Variants in HMCN1 observed in about 807,000 individuals in gnomAD.
HMCN1 encodes the protein hemicentin-1.
Under a neutral mutation model 625.9 loss-of-function variants are expected in HMCN1, and 321 were observed. That is an observed-to-expected ratio of 0.51 (90% CI 0.47 to 0.56). HMCN1 has a LOEUF of 0.56. HMCN1 is among the 20% of genes least tolerant of loss of function. HMCN1 has a pLI of 0.00. For missense variants in HMCN1, 6,588 were observed against 6,887.3 expected (o/e 0.96, Z 1.54); for synonymous variants, 2,425 against 2,417.6 (o/e 1.00, Z -0.09).
intron 1 of HMCN1, among the ~76,000 whole-genome samples, chr1:185,800,884 A>C (rs1258449645): frequency 6.6e-6 from 1 of 152,204 alleles, no homozygotes; most frequent in Non-Finnish European, 1.5e-5. Flanking sequence ...TTTATGTGTC[A>C]GCTAAGAAAG....
At chr1:185,914,459 C>G (rs566219769) in intron 6 of HMCN1, among the ~76,000 whole-genome samples, 5 of 152,166 alleles carry the variant, frequency 3.3e-5, no homozygotes, top group African/African-American at 9.6e-5. Flanking sequence ...AACGATCTAT[C>G]TATTACTTAA....
At chr1:185,951,305 G>A (rs1188301529) in intron 11 of HMCN1, among the ~76,000 whole-genome samples, 1 of 151,560 alleles carries the variant, frequency 6.6e-6, no homozygotes, top group Non-Finnish European at 1.5e-5. Context: ...TAACTAAAAA[G>A]GAGTGCTTAA....
At chr1:186,001,164 C>A in intron 26 of HMCN1, 134 bp from the exon 27 acceptor site, 2 of 733,234 alleles carry the variant, frequency 2.7e-6, no homozygotes, top group Non-Finnish European at 4.5e-6. Context: ...TATAACAAAG[C>A]ATATGCTTAA....
intron 2 of HMCN1, among the ~76,000 whole-genome samples, chr1:185,855,790 C>T (rs932490840): frequency 2.6e-5 from 4 of 152,110 alleles, no homozygotes; most frequent in African/African-American, 9.7e-5. Context: ...TAATTGTTAC[C>T]TTTACTGTGC....
chr1:185,897,589 C>T (rs1197940087), intron 4 of HMCN1, among the ~76,000 whole-genome samples: 1 of 152,206 alleles, frequency 6.6e-6, no homozygotes, highest in Non-Finnish European at 1.5e-5. Flanking sequence ...GATGTTCTCC[C>T]TCTGCTCATC....
rs770648512 is a variant in HMCN1 at position 186,114,121 on chromosome 1, A to G, written c.11274A>G (p.Ala3758=). 24 of 1,613,972 alleles carry G rather than the reference A, an allele frequency of 1.5e-5. No homozygotes were observed. Among genetic ancestry groups the G allele is most frequent in the Non-Finnish European group, 2.0e-5 (24 of 1,179,956 alleles). The change falls in exon 73 of 107, where the codon GCA becomes GCG. Residue 3758 remains alanine, a splice_region_variant and synonymous_variant. Transcript: ENST00000271588. Reference sequence around the variant, plus strand: ...GAGCTGTTCTAGCTGGGAATCATGCAAGGTAACCATACTGGAAAATTAAAA... The same window carrying G: ...GAGCTGTTCTAGCTGGGAATCATGCGAGGTAACCATACTGGAAAATTAAAA... The part of the protein sequence containing the change: ...KDGAVLAGNH[A]RYSILENGFL...
chr1:185,867,612 A>G lies in HMCN1; in HGVS notation c.621+1749A>G, dbSNP rs1487673170. 2.0e-5 allele frequency among the ~76,000 whole-genome samples: 3 copies of G among 152,136 alleles called. No homozygotes were observed. In the South Asian group the frequency reaches 6.2e-4, roughly 32 times the overall value. On this transcript the variant is annotated intron_variant, in intron 4 of 106. Coordinates refer to ENST00000271588, the MANE Select transcript of HMCN1 (RefSeq NM_031935.3). ...GTGGTGGTGTGCAGTGCACAGAGAT[A>G]GAGTGTTGGGGCCAGTATGCTGAAT...
chr1:186,171,292 A>C, intron 100 of HMCN1, 45 bp from the exon 101 acceptor site: 1 of 1,294,646 alleles, frequency 7.7e-7, no homozygotes, highest in East Asian at 2.3e-5. Context: ...GGATAAATTC[A>C]GGTTTCCTAA....
chr1:185,890,235 A>G lies in HMCN1; in HGVS notation c.622-19102A>G, dbSNP rs879330904. Among the ~76,000 whole-genome samples, 23 of 147,526 alleles carry G rather than the reference A, an allele frequency of 1.6e-4. 1 individual carries two copies. The highest frequency in any genetic ancestry group is 2.8e-4 in the Non-Finnish European group (19 of 67,898). The stretch of plus-strand genomic sequence containing the variant: ...TATTAGTCTTGCTAGCGGTCTATCA[A>G]TTTTCTTGATCCTTTCAAAAAACCA... On this transcript the variant is annotated intron_variant, in intron 4 of 106. Transcript: ENST00000271588.
In HMCN1 at chr1:185,977,992, G is replaced by T. The variant is rs778965369; in HGVS notation, c.2566+11G>T. On this transcript the variant is annotated intron_variant, in intron 16 of 106. Transcript: ENST00000271588. Reference sequence around the variant, plus strand: ...CTCTCTTTATTTTAAGTAGGTTGAAGGAAATATATTTTGTACGAATATGTA... The same window carrying T: ...CTCTCTTTATTTTAAGTAGGTTGAATGAAATATATTTTGTACGAATATGTA... The T allele has an allele frequency of 7.6e-6, 12 of 1,579,246 alleles. No homozygotes were observed. The highest frequency in any genetic ancestry group is 1.4e-5 in the African/African-American group (1 of 74,070).
intron 5 of HMCN1, among the ~76,000 whole-genome samples, chr1:185,910,331 G>A (rs548111798): frequency 1.2e-4 from 19 of 152,094 alleles, no homozygotes; most frequent in Middle Eastern, 3.4e-3. Context: ...CAAATACAAC[G>A]TCTTTCTCAA....
At chr1:186,146,252 T>G (rs1411551890) in intron 93 of HMCN1, among the ~76,000 whole-genome samples, 1 of 152,154 alleles carries the variant, frequency 6.6e-6, no homozygotes, top group East Asian at 1.9e-4. Context: ...AAGCTACAAT[T>G]GGAGGCTGTT....
rs137886396 is a variant in HMCN1, at chr1:185,810,740, T to A, written c.269-35286T>A. Among the ~76,000 whole-genome samples the A allele has an allele frequency of 7.9e-3, 1,204 of 152,064 alleles. 12 individuals are homozygous for A. The highest frequency in any genetic ancestry group is 0.028 in the African/African-American group (1,162 of 41,502). ...GACCATAAATTCTTCCCATAATGAT[T>A]AAAATTTATTAAGTGCCTGGAAAAT... On this transcript the variant is annotated intron_variant, in intron 1 of 106. Coordinates refer to ENST00000271588, the MANE Select transcript of HMCN1 (RefSeq NM_031935.3).
chr1:185,834,658 G>T lies in HMCN1; in HGVS notation c.269-11368G>T, dbSNP rs1661059842. On this transcript the variant is annotated intron_variant, in intron 1 of 106. Transcript: ENST00000271588. Reference sequence around the variant, plus strand: ...TCTTTGCTCTATTCTTTTTTTAGAAGCAGGGCATTACGTCCAGCCTATAGC... The same window carrying T: ...TCTTTGCTCTATTCTTTTTTTAGAATCAGGGCATTACGTCCAGCCTATAGC... Among the ~76,000 whole-genome samples the T allele has an allele frequency of 2.6e-5, 4 of 152,112 alleles. No homozygotes were observed. In the South Asian group the frequency reaches 8.3e-4, roughly 32 times the overall value.
intron 1 of HMCN1, among the ~76,000 whole-genome samples, chr1:185,844,397 T>C (rs1037672753): frequency 6.6e-6 from 1 of 152,202 alleles, no homozygotes; most frequent in Non-Finnish European, 1.5e-5. Flanking sequence ...TAAGAAAAAG[T>C]ACATGGGTTA....
chr1:186,024,307 A>G (rs552081706), intron 36 of HMCN1, among the ~76,000 whole-genome samples: 2 of 152,242 alleles, frequency 1.3e-5, no homozygotes, highest in Admixed American at 6.5e-5. Flanking sequence ...GTTCCCCATA[A>G]GGCCTTTATC....
At chr1:186,081,432 T>C (rs754064962) in intron 56 of HMCN1, 38 bp downstream of exon 56, 11 of 1,441,164 alleles carry the variant, frequency 7.6e-6, no homozygotes, top group Non-Finnish European at 9.8e-6. Context: ...AAAGAGCTAT[T>C]TGACTTTGCA....
intron 1 of HMCN1, among the ~76,000 whole-genome samples, chr1:185,790,896 A>G (rs560090131): frequency 1.3e-5 from 2 of 152,264 alleles, no homozygotes; most frequent in South Asian, 2.1e-4. Context: ...TTTATTTATG[A>G]GAGACTAATG....
At chr1:185,977,441 G>A (rs1651298316) in intron 15 of HMCN1, among the ~76,000 whole-genome samples, 1 of 152,084 alleles carries the variant, frequency 6.6e-6, no homozygotes. Flanking sequence ...TTATTTATAA[G>A]ATAGTCTTAA....
Sources: gnomAD v4.1 joint callset for allele counts (sites outside exome capture counted in the v4.1 genomes callset) on GRCh38, gnomAD v4.1.1 for gene constraint, MANE v1.5 for transcripts, NCBI Gene and HGNC (gene_info 2026-07-23, HGNC 2026-07-21) for gene names.